SACS: variants seen among roughly 807,000 people sequenced by gnomAD.
SACS encodes the protein sacsin molecular chaperone.
A neutral mutation model predicts 348.0 loss-of-function variants in SACS; 197 were observed. The ratio of observed to expected loss-of-function variants is 0.57; its 90% confidence interval spans 0.50 to 0.64. The LOEUF is 0.64. Ranked by LOEUF, SACS falls within the 30% of genes least tolerant of loss-of-function variation. SACS has a pLI of 0.00. For missense variants in SACS, 4,999 were observed against 5,360.8 expected (o/e 0.93, Z 2.11); for synonymous variants, 1,985 against 1,910.6 (o/e 1.04, Z -1.02).
At chr13:23,419,268 G>C (rs894775415) in intron 1 of SACS, 6 of 152,564 alleles carry the variant, frequency 3.9e-5, no homozygotes, top group African/African-American at 1.4e-4. Flanking sequence ...GAGCCAGCTA[G>C]TGGCACCCAG....
At chr13:23,403,877 C>T (rs1440579037) in intron 2 of SACS, among the ~76,000 whole-genome samples, 2 of 152,152 alleles carry the variant, frequency 1.3e-5, no homozygotes, top group Non-Finnish European at 2.9e-5. Flanking sequence ...CTCCTGTGGG[C>T]ATTTAGTGCT....
chr13:23,339,916 G>A lies in SACS; in HGVS notation c.3960C>T (p.Val1320=). Residue 1320 remains valine, a synonymous_variant, in exon 10 of 10, where the codon GTC becomes GTT. Coordinates refer to ENST00000382292, the MANE Select transcript of SACS (RefSeq NM_014363.6). Reference sequence around the variant, plus strand: ...ATGTCAACTCCTCTATTGAACCACAGACCTTAAATAGTTGGTGGAATTTTG... The same window carrying A: ...ATGTCAACTCCTCTATTGAACCACAAACCTTAAATAGTTGGTGGAATTTTG... ...TMAKFHQLFK[V]CGSIEELTSD... is the part of the protein sequence containing the mutation. 1 of 1,613,928 alleles carries A rather than the reference G, an allele frequency of 6.2e-7. No homozygotes were observed. The highest frequency in any genetic ancestry group is 8.5e-7 in the Non-Finnish European group (1 of 1,179,940).
intron 1 of SACS, among the ~76,000 whole-genome samples, chr13:23,426,173 G>A (rs1055556127): frequency 6.6e-6 from 1 of 152,162 alleles, no homozygotes; most frequent in Non-Finnish European, 1.5e-5. Context: ...TAGGACTTCA[G>A]TGAGCCCAGA....
chr13:23,400,672 G>A (rs549437214), intron 2 of SACS, among the ~76,000 whole-genome samples: 34 of 152,258 alleles, frequency 2.2e-4, no homozygotes, highest in African/African-American at 7.7e-4. Flanking sequence ...CGCCCGCCTC[G>A]GCCTCCCAAA....
chr13:23,332,533 A>G lies in SACS; in HGVS notation c.11343T>C (p.Ser3781=), dbSNP rs372697823. The change falls in exon 10 of 10, where the codon AGT becomes AGC. Residue 3781 remains serine (S), a synonymous_variant. Coordinates refer to ENST00000382292, the MANE Select transcript of SACS (RefSeq NM_014363.6). ...KVLRSIYEFL[S]AEKREFRFQL... is the part of the protein sequence containing the mutation. The stretch of plus-strand genomic sequence containing the variant: ...GAAAACGAAATTCCCTTTTTTCTGC[A>G]CTGAGGAATTCATATATGCTCCTTA... 63 of 1,613,856 alleles carry G rather than the reference A, an allele frequency of 3.9e-5. No homozygotes were observed. The highest frequency in any genetic ancestry group is 5.1e-5 in the Non-Finnish European group (60 of 1,179,924).
At chr13:23,396,450 G>A (rs1291412817) in intron 2 of SACS, among the ~76,000 whole-genome samples, 1 of 151,828 alleles carries the variant, frequency 6.6e-6, no homozygotes, top group Non-Finnish European at 1.5e-5. Context: ...GACTATTTTG[G>A]AATTATTGGT....
intron 2 of SACS, among the ~76,000 whole-genome samples, chr13:23,409,834 C>G (rs1873411286): frequency 6.6e-6 from 1 of 152,098 alleles, no homozygotes; most frequent in Non-Finnish European, 1.5e-5. Context: ...CATATTTTTT[C>G]TAGCTATGAA....
At chr13:23,422,642 T>C (rs1004490968) in intron 1 of SACS, among the ~76,000 whole-genome samples, 2 of 145,050 alleles carry the variant, frequency 1.4e-5, no homozygotes, top group African/African-American at 5.1e-5. Flanking sequence ...TGTGCAAAGA[T>C]GCTTTGTGAT....
chr13:23,361,470 A>C (rs886220515), intron 6 of SACS, among the ~76,000 whole-genome samples: 4 of 152,110 alleles, frequency 2.6e-5, no homozygotes, highest in African/African-American at 9.7e-5. Context: ...TTCTAAAAGT[A>C]AGATAAGAAA....
chr13:23,335,866 C>A lies in SACS; in HGVS notation c.8010G>T (p.Leu2670Phe). The change falls in exon 10 of 10, where the codon TTG becomes TTT. Residue 2670 changes from leucine (L) to phenylalanine (F), a missense_variant. This residue lies in a region of SACS where 3,156 missense variants were observed against 3,380.1 expected (regional missense o/e 0.93). Transcript: ENST00000382292. The surrounding 1 kb of genome is among the most constrained non-coding windows in gnomAD (Gnocchi z 4.7). The part of the protein sequence containing the change: ...SISPGRMFRD[L>F]DADFRTQFSD... Reference sequence around the variant, plus strand: ...AGAACTGTGTCCTAAAATCTGCATCCAAATCTCTAAACATGCGTCCGGGAC... The same window carrying A: ...AGAACTGTGTCCTAAAATCTGCATCAAAATCTCTAAACATGCGTCCGGGAC... 1 of 1,613,900 alleles carries A rather than the reference C, an allele frequency of 6.2e-7. No homozygotes were observed. The highest frequency in any genetic ancestry group is 1.1e-5 in the South Asian group (1 of 91,068).
chr13:23,400,686 C>T (rs567660011), intron 2 of SACS, among the ~76,000 whole-genome samples: 2 of 152,354 alleles, frequency 1.3e-5, no homozygotes, highest in African/African-American at 4.8e-5. Context: ...TCCCAAAGTG[C>T]TGTGATTACA....
At chr13:23,389,639 A>G (rs1472569284) in intron 2 of SACS, among the ~76,000 whole-genome samples, 1 of 152,214 alleles carries the variant, frequency 6.6e-6, no homozygotes, top group Non-Finnish European at 1.5e-5. Flanking sequence ...GCTTTCTCTA[A>G]TTTAAAAAAA....
At chr13:23,421,514 A>G (rs1348478858) in intron 1 of SACS, among the ~76,000 whole-genome samples, 1 of 151,986 alleles carries the variant, frequency 6.6e-6, no homozygotes, top group African/African-American at 2.4e-5. Context: ...CCTGTTGCCT[A>G]CATAGTGTCT....
chr13:23,348,184 A>T (rs1195736011), intron 9 of SACS, among the ~76,000 whole-genome samples: 2 of 152,212 alleles, frequency 1.3e-5, no homozygotes, highest in African/African-American at 2.4e-5. Flanking sequence ...CCTGGAAATT[A>T]AAAAAACAAA....
Position 23,337,804 on chromosome 13 carries a change from A to T in SACS, c.6072T>A (p.Leu2024=), listed in dbSNP as rs1372875763. Residue 2024 remains leucine, a synonymous_variant, in exon 10 of 10, where the codon CTT becomes CTA. Transcript: ENST00000382292. ...CCGAAGAAGGAAGTTCAACAGCACA[A>T]AGGTTTTTGGACCCAGTCTTCTTGA... ...KYLKKTGSKN[L]CAVELPSSVK... 6.2e-7 allele frequency: 1 copy of T among 1,613,802 alleles called. No homozygotes were observed. The highest frequency in any genetic ancestry group is 8.5e-7 in the Non-Finnish European group (1 of 1,179,950).
chr13:23,368,821 C>A (rs59694194), intron 4 of SACS, among the ~76,000 whole-genome samples: 6,017 of 152,218 alleles, frequency 0.04, 389 homozygotes, highest in African/African-American at 0.14. Context: ...GCCTCAGCCT[C>A]CCGAATAGCT....
intron 2 of SACS, among the ~76,000 whole-genome samples, chr13:23,409,039 A>ATTTTTTTTTTT (rs1474798713): frequency 1.5e-5 from 1 of 66,802 alleles, no homozygotes; most frequent in Non-Finnish European, 2.9e-5. Flanking sequence ...AACAAGTTTT[A>ATTTTTTTTTTT]CTTTTTTTTT....
intron 2 of SACS, among the ~76,000 whole-genome samples, chr13:23,400,664 C>T (rs901814504): frequency 2.6e-5 from 4 of 152,192 alleles, no homozygotes; most frequent in African/African-American, 9.7e-5. Flanking sequence ...TCGTGATCCG[C>T]CCGCCTCGGC....
chr13:23,362,650 A>T (rs887081385), intron 6 of SACS, among the ~76,000 whole-genome samples: 2 of 142,020 alleles, frequency 1.4e-5, no homozygotes, highest in Non-Finnish European at 3.0e-5. Context: ...CAGTGGCAAG[A>T]TCTCGGCTCA....
Sources: allele counts gnomAD v4.1 joint callset (sites outside exome capture counted in the v4.1 genomes callset), GRCh38; gene constraint gnomAD v4.1.1; regional missense constraint gnomAD v4.1.1; non-coding constraint Gnocchi (gnomAD v3.1); transcripts MANE v1.5; gene names NCBI Gene and HGNC (gene_info 2026-07-23, HGNC 2026-07-21).